CLVS1: variants seen among roughly 807,000 people sequenced by gnomAD.
CLVS1 encodes clavesin-1.
CLVS1 carries 10 observed loss-of-function variants against 33.1 expected under a neutral mutation model. That is an observed-to-expected ratio of 0.30 (90% CI 0.19 to 0.51). The LOEUF (loss-of-function observed/expected upper bound fraction) is 0.51, where lower values mean the gene tolerates loss of function less well. CLVS1 is among the 20% of genes least tolerant of loss of function. The pLI is 0.97. For missense variants in CLVS1, 343 were observed against 433.4 expected (o/e 0.79, Z 1.85); for synonymous variants, 163 against 166.1 (o/e 0.98, Z 0.14).
At chr8:61,266,741 C>A (rs1031908068) in intron 2 of CLVS1, among the ~76,000 whole-genome samples, 2 of 152,210 alleles carry the variant, frequency 1.3e-5, no homozygotes, top group Non-Finnish European at 2.9e-5. Flanking sequence ...TTCCAATAAT[C>A]TTTTCAAATA....
intron 1 of CLVS1, among the ~76,000 whole-genome samples, chr8:61,293,393 T>G (rs1810066154): frequency 6.6e-6 from 1 of 152,146 alleles, no homozygotes; most frequent in African/African-American, 2.4e-5. Context: ...CAAACCATAA[T>G]GGCCAATCTG....
At chr8:61,327,505 G>A (rs996228199) in intron 2 of CLVS1, among the ~76,000 whole-genome samples, 1 of 152,158 alleles carries the variant, frequency 6.6e-6, no homozygotes, top group African/African-American at 2.4e-5. Context: ...CCCGTCACTA[G>A]TTCAGATCAT....
At chr8:61,087,107 G>A (rs966759226) in intron 1 of CLVS1, among the ~76,000 whole-genome samples, 6 of 152,198 alleles carry the variant, frequency 3.9e-5, no homozygotes, top group Non-Finnish European at 8.8e-5. Flanking sequence ...AAATCAAGAA[G>A]GAAAGCAGGC....
rs145231333 is a variant in CLVS1, at chr8:61,154,630, A to G, written c.-152+22770A>G. Among the ~76,000 whole-genome samples, 48 of 152,348 alleles carry G rather than the reference A, an allele frequency of 3.2e-4. No homozygotes were observed. In the East Asian group the frequency reaches 9.3e-3, roughly 29 times the overall value. On this transcript the variant is annotated intron_variant, in intron 2 of 2. Coordinates refer to the CLVS1 transcript ENST00000522621. ...TGACAATCCTTTGTTCAAGTTCAGG[A>G]TTAATTAGCTCTGTAGCCATGGGCA... is the stretch of plus-strand genomic sequence containing the variant.
At chr8:61,096,673 A>AG (rs1805356865) in intron 1 of CLVS1, among the ~76,000 whole-genome samples, 1 of 152,144 alleles carries the variant, frequency 6.6e-6, no homozygotes, top group Non-Finnish European at 1.5e-5. Flanking sequence ...TGAGTCAATA[A>AG]TGCTTCTCAC....
At chr8:61,284,214 G>C (rs1809731319), upstream of CLVS1, among the ~76,000 whole-genome samples, 1 of 152,194 alleles carries the variant, frequency 6.6e-6, no homozygotes, top group Admixed American at 6.5e-5. Context: ...ACAGGATGGA[G>C]AGGGCAGGAC....
At chr8:61,074,009 CAAAAAAAAA>C (rs35959369) in intron 1 of CLVS1, among the ~76,000 whole-genome samples, 4 of 70,390 alleles carry the variant, frequency 5.7e-5, no homozygotes, top group African/African-American at 2.0e-4. Flanking sequence ...GACTCCGTCT[CAAAAAAAAA>C]AAAAAAAAAA....
chr8:61,193,690 C>A (rs1355108088), intron 2 of CLVS1, among the ~76,000 whole-genome samples: 3 of 151,764 alleles, frequency 2.0e-5, no homozygotes, highest in Admixed American at 1.3e-4. Context: ...AAAATAATGT[C>A]ATTTTCAGAC....
At chr8:61,476,160 CTG>C (rs1486412684) in intron 5 of CLVS1, among the ~76,000 whole-genome samples, 2 of 152,192 alleles carry the variant, frequency 1.3e-5, no homozygotes, top group African/African-American at 4.8e-5. Flanking sequence ...ATCTATATCT[CTG>C]TTTTGGTACC....
chr8:61,321,834 T>G (rs1326795005), intron 2 of CLVS1, among the ~76,000 whole-genome samples: 1 of 152,198 alleles, frequency 6.6e-6, no homozygotes, highest in Non-Finnish European at 1.5e-5. Flanking sequence ...CAATCTTCTC[T>G]CCTTCAAGTT....
chr8:61,312,252 A>C (rs937318637), intron 2 of CLVS1, among the ~76,000 whole-genome samples: 4 of 152,168 alleles, frequency 2.6e-5, no homozygotes, highest in African/African-American at 9.7e-5. Context: ...CCCTTTCGAT[A>C]TGGTTCCCAG....
At chr8:61,185,249 C>T (rs994124426) in intron 2 of CLVS1, among the ~76,000 whole-genome samples, 6 of 151,692 alleles carry the variant, frequency 4.0e-5, no homozygotes, top group Non-Finnish European at 5.9e-5. Flanking sequence ...TCAAGGGATC[C>T]TCCTACCTCA....
At chr8:61,308,485 G>T (rs1563488792) in intron 2 of CLVS1, among the ~76,000 whole-genome samples, 2 of 152,160 alleles carry the variant, frequency 1.3e-5, no homozygotes, top group Non-Finnish European at 2.9e-5. Context: ...CGGTGGAGGG[G>T]ATCGGCAGTC....
At chr8:61,313,629 C>T (rs1362481588) in intron 2 of CLVS1, among the ~76,000 whole-genome samples, 1 of 152,180 alleles carries the variant, frequency 6.6e-6, no homozygotes, top group East Asian at 1.9e-4. Flanking sequence ...TGTGTCTTTT[C>T]TCCTTGGTAT....
At chr8:61,398,574 A>G (rs1371539373) in intron 3 of CLVS1, among the ~76,000 whole-genome samples, 1 of 152,094 alleles carries the variant, frequency 6.6e-6, no homozygotes, top group Non-Finnish European at 1.5e-5. Context: ...TCAGGGGTAC[A>G]TGTGCAGGAT....
At chr8:61,049,670 A>C in the CLVS1 span, among the ~76,000 whole-genome samples, 2 of 152,252 alleles carry the variant, frequency 1.3e-5, no homozygotes, top group Non-Finnish European at 2.9e-5. Flanking sequence ...TAGAGGCCGC[A>C]AAGACACATG....
upstream of CLVS1, among the ~76,000 whole-genome samples, chr8:61,053,065 T>C (rs577491857): frequency 1.6e-4 from 24 of 152,216 alleles, no homozygotes; most frequent in Middle Eastern, 3.4e-3. Flanking sequence ...GTTTTTGAGA[T>C]TCTTGGCCTG....
At chr8:60,992,514 G>A in the CLVS1 span, among the ~76,000 whole-genome samples, 2 of 152,196 alleles carry the variant, frequency 1.3e-5, no homozygotes, top group African/African-American at 4.8e-5. Flanking sequence ...CTGAAGCAGA[G>A]GTCTCCCTCG....
rs376185436 is a variant in CLVS1, at chr8:61,232,022, G to GTTTTTTTTTTTT, written c.-151-67655_-151-67654insTTTTTTTTTTTT. ...GAGAAGGAGCCCTGAGGAAAGTTGT[G>GTTTTTTTTTTTT]GTTTTTTTTTTTTTTTTTTTTTTTT... On this transcript the variant is annotated intron_variant, in intron 2 of 2. Transcript: ENST00000522621. Among the ~76,000 whole-genome samples, 25 of 117,070 alleles carry GTTTTTTTTTTTT rather than the reference G, an allele frequency of 2.1e-4. 3 individuals are homozygous for GTTTTTTTTTTTT. The highest frequency in any genetic ancestry group is 1.1e-3 in the African/African-American group (24 of 22,344). 76.8% of individuals were successfully genotyped at this position (117,070 alleles called of 152,430 possible).
Sources: gnomAD v4.1 joint callset for allele counts (sites outside exome capture counted in the v4.1 genomes callset) on GRCh38, gnomAD v4.1.1 for gene constraint, MANE v1.5 for transcripts, NCBI Gene and HGNC (gene_info 2026-07-23, HGNC 2026-07-21) for gene names.